Variants in AACS observed in about 807,000 individuals in gnomAD.
AACS encodes the protein acetoacetyl-CoA synthetase, also known as acetoacetate-CoA ligase.
Under a neutral mutation model 83.1 loss-of-function variants are expected in AACS, and 69 were observed. That is an observed-to-expected ratio of 0.83 (90% CI 0.68 to 1.01). The LOEUF (loss-of-function observed/expected upper bound fraction) is 1.01. Among genes scored for constraint, AACS ranks in the 50% least tolerant of loss-of-function variants. The pLI, the probability that AACS is intolerant of heterozygous loss-of-function variation, is 0.00. For synonymous variants in AACS, 333 were observed against 343.4 expected (o/e 0.97, Z 0.33); for missense variants, 866 against 882.2 (o/e 0.98, Z 0.23).
chr12:125,132,683 C>T (rs894606534), intron 14 of AACS, among the ~76,000 whole-genome samples: 1 of 152,042 alleles, frequency 6.6e-6, no homozygotes, highest in African/African-American at 2.4e-5. Context: ...GACCTGAAGA[C>T]CTGCAGTTCT....
intron 13 of AACS, 28 bp downstream of exon 13, chr12:125,128,302 T>G: frequency 6.3e-7 from 1 of 1,594,596 alleles, no homozygotes; most frequent in Admixed American, 1.7e-5. Flanking sequence ...TGTTTCTTTC[T>G]GTGATTAGGC....
At position 125,073,930 on chromosome 12, in the gene AACS, C is replaced by T. The variant is rs761143270; in HGVS notation, c.188C>T (p.Ala63Val). The T allele has an allele frequency of 9.9e-6, 16 of 1,613,946 alleles. No homozygotes were observed. In the Admixed American group the frequency reaches 2.7e-4, roughly 27 times the overall value. Residue 63 changes from alanine (A) to valine (V), a missense_variant, in exon 2 of 18, where the codon GCA becomes GTA. Ala to Val is a moderately conservative substitution (Grantham distance 64, BLOSUM62 0). Coordinates refer to ENST00000316519, the MANE Select transcript of AACS (RefSeq NM_023928.5). ...WSVESYSDFW[A>V]EFWKFSGIVF... ...GTTGAGTCATATTCAGACTTCTGGG[C>T]AGAGTTCTGGAAATTCAGTGGAATT...
chr12:125,131,287 C>T (rs1372056840), intron 14 of AACS, among the ~76,000 whole-genome samples: 1 of 151,886 alleles, frequency 6.6e-6, no homozygotes, highest in African/African-American at 2.4e-5. Context: ...TCTCCATCCA[C>T]TGCAGCCTTG....
rs112442868 is a variant in AACS, at chr12:125,088,430, G to T, written c.472+1987G>T. On this transcript the variant is annotated intron_variant, in intron 4 of 17. Coordinates refer to ENST00000316519, the MANE Select transcript of AACS (RefSeq NM_023928.5). ...GTATTTTTGGTAAAGACAGGGTCTT[G>T]CTATGTTGTCCAGGCTGGTCTCAAA... Among the ~76,000 whole-genome samples, 51 of 151,988 alleles carry T rather than the reference G, an allele frequency of 3.4e-4. 1 individual carries two copies. The highest frequency in any genetic ancestry group is 1.2e-3 in the African/African-American group (50 of 41,468).
At chr12:125,139,487 G>A (rs1221434728) in intron 17 of AACS, 1 of 152,322 alleles carries the variant, frequency 6.6e-6, no homozygotes, top group Non-Finnish European at 1.5e-5. Context: ...CCATCTCTAA[G>A]ATGAGTTGAC....
At chr12:125,102,339 C>T (rs994848606) in intron 5 of AACS, 27 of 235,886 alleles carry the variant, frequency 1.1e-4, no homozygotes, top group African/African-American at 2.7e-4. Context: ...TGTGAGCCAG[C>T]GCGCCCGGCC....
chr12:125,074,094 G>GA, intron 2 of AACS, 115 bp downstream of exon 2: 1 of 831,684 alleles, frequency 1.2e-6, no homozygotes, highest in Non-Finnish European at 1.9e-6. Context: ...ATGCAGATGG[G>GA]AAAAAGTCAT....
chr12:125,089,254 C>G (rs877405), intron 4 of AACS, among the ~76,000 whole-genome samples: 24,872 of 152,244 alleles, frequency 0.16, 2,481 homozygotes, highest in Middle Eastern at 0.28. Flanking sequence ...ACCCCTGCCC[C>G]TTGGATGCTT....
rs1262184258 is a variant in AACS, at chr12:125,097,260, T to C, written c.571-5419T>C. 1.3e-5 allele frequency among the ~76,000 whole-genome samples: 2 copies of C among 151,938 alleles called. No individual in the cohort carries two copies. The highest frequency in any genetic ancestry group is 4.8e-5 in the African/African-American group (2 of 41,352). On this transcript the variant is annotated intron_variant, in intron 5 of 17. Transcript: ENST00000316519. The surrounding 1 kb of genome is among the most constrained non-coding windows in gnomAD (Gnocchi z 4.3). ...AAGAAGTAGTAGGAAATAGTCTTTG[T>C]CCACCAAGGACGTCACTGAGGAAGG...
In AACS at chr12:125,065,463, C is replaced by T; in HGVS notation, c.-122C>T. 1 of 1,141,602 alleles carries T rather than the reference C, an allele frequency of 8.8e-7. No individual in the cohort carries two copies. The highest frequency in any genetic ancestry group is 3.2e-5 in the East Asian group (1 of 30,854). The allele number at this position is 1,141,602 out of a possible 1,614,324, so 70.7% of individuals were successfully genotyped here. The stretch of plus-strand genomic sequence containing the variant: ...CCCTTGTTCCCCGCCGCCGCCGTCG[C>T]TGACCCAGCCCGCCAGGCGCTCCTG... On this transcript the variant is annotated 5_prime_UTR_variant, in exon 1 of 18. Transcript: ENST00000316519.
chr12:125,091,160 C>T (rs1956476298), intron 4 of AACS: 2 of 494,060 alleles, frequency 4.0e-6, no homozygotes, highest in African/African-American at 1.9e-5. Context: ...GTGACCAGAT[C>T]CCAGGGAGGG....
intron 14 of AACS, among the ~76,000 whole-genome samples, chr12:125,131,337 A>G (rs1957326385): frequency 6.6e-6 from 1 of 151,686 alleles, no homozygotes; most frequent in African/African-American, 2.4e-5. Flanking sequence ...TCAGCCTCCT[A>G]AGTAGCTGGG....
intron 1 of AACS, among the ~76,000 whole-genome samples, chr12:125,067,311 G>A (rs7488067): frequency 3.9e-5 from 6 of 152,220 alleles, no homozygotes; most frequent in Non-Finnish European, 5.9e-5. Context: ...GCAGCCTGGA[G>A]ACTCCTGGAA....
At chr12:125,076,694 A>G (rs770538695) in intron 3 of AACS, 83 bp downstream of exon 3, 9 of 1,566,318 alleles carry the variant, frequency 5.7e-6, no homozygotes, top group Admixed American at 1.8e-5. Context: ...ATTTGGAGAG[A>G]TAGGATTTCT....
chr12:125,071,836 C>T (rs1316662761), intron 1 of AACS, among the ~76,000 whole-genome samples: 1 of 152,018 alleles, frequency 6.6e-6, no homozygotes, highest in Non-Finnish European at 1.5e-5. Context: ...ATGCTGTTGG[C>T]GAATGCACTT....
intron 3 of AACS, among the ~76,000 whole-genome samples, chr12:125,084,857 C>G (rs1360939060): frequency 6.6e-6 from 1 of 152,156 alleles, no homozygotes; most frequent in Non-Finnish European, 1.5e-5. Flanking sequence ...GCTGGCATTA[C>G]AGGCATGAGC....
intron 5 of AACS, chr12:125,100,931 A>G (rs1206407177): frequency 6.6e-6 from 1 of 152,258 alleles, no homozygotes; most frequent in African/African-American, 2.4e-5. Context: ...TTAACTTAAT[A>G]GTCCCACTGC....
chr12:125,086,299 T>C, intron 3 of AACS, 31 bp from the exon 4 acceptor site: 1 of 1,594,968 alleles, frequency 6.3e-7, no homozygotes, highest in Non-Finnish European at 8.6e-7. Flanking sequence ...TGCGGTGGTC[T>C]GTGTACAATT....
At chr12:125,133,354 C>G (rs1438882158) in intron 14 of AACS, among the ~76,000 whole-genome samples, 3 of 152,212 alleles carry the variant, frequency 2.0e-5, no homozygotes, top group Non-Finnish European at 4.4e-5. Flanking sequence ...TGGTGCCACC[C>G]CAGCGTGCAG....
Sources: allele counts gnomAD v4.1 joint callset (sites outside exome capture counted in the v4.1 genomes callset), GRCh38; gene constraint gnomAD v4.1.1; non-coding constraint Gnocchi (gnomAD v3.1); transcripts MANE v1.5; gene names NCBI Gene and HGNC (gene_info 2026-07-23, HGNC 2026-07-21).